PHKA1: variants seen among roughly 807,000 people sequenced by gnomAD.
PHKA1 encodes the protein phosphorylase kinase regulatory subunit alpha 1, also known as phosphorylase b kinase regulatory subunit alpha, skeletal muscle isoform.
A neutral mutation model predicts 110.2 loss-of-function variants in PHKA1; 60 were observed. The observed-to-expected ratio is 0.54, with a 90% CI of 0.44 to 0.68. The LOEUF is 0.68. Ranked by LOEUF, PHKA1 falls within the 30% of genes least tolerant of loss-of-function variation. The probability of loss-of-function intolerance (pLI) is 0.00; values close to 1 mark genes in which losing one functional copy is unlikely to be tolerated. For missense variants in PHKA1, 801 were observed against 942.5 expected, an observed-to-expected ratio of 0.85 and a Z score of 1.97; for synonymous variants, 316 against 333.6, an observed-to-expected ratio of 0.95 and a Z score of 0.58.
intron 25 of PHKA1, among the ~76,000 whole-genome samples, chrX:72,604,937 C>T (rs782005185): frequency 8.9e-6 from 1 of 111,733 alleles, no homozygotes; most frequent in East Asian, 2.8e-4. Context: ...TACAGACGCT[C>T]CACTGCCTAA....
intron 6 of PHKA1, among the ~76,000 whole-genome samples, chrX:72,671,086 G>A (rs1233728093): frequency 1.5e-4 from 16 of 110,185 alleles, no homozygotes; most frequent in African/African-American, 5.3e-4. Flanking sequence ...TTCTGGCCAG[G>A]GCAATCAGGC....
At chrX:72,635,552 A>G (rs948591263) in intron 15 of PHKA1, among the ~76,000 whole-genome samples, 5 of 111,662 alleles carry the variant, frequency 4.5e-5, no homozygotes, top group Admixed American at 2.9e-4. Flanking sequence ...GTAACCCCCC[A>G]GTGAGGGCTT....
At chrX:72,581,947 T>C (rs1319061357) in intron 31 of PHKA1, among the ~76,000 whole-genome samples, 1 of 111,993 alleles carries the variant, frequency 8.9e-6, no homozygotes, top group Non-Finnish European at 1.9e-5. Context: ...AATGTAGGAG[T>C]AAAAGTTTCA....
At chrX:72,681,669 A>G (rs1418261845) in intron 5 of PHKA1, among the ~76,000 whole-genome samples, 55 of 44,075 alleles carry the variant, frequency 1.2e-3, no homozygotes, top group East Asian at 3.5e-3. Flanking sequence ...CGGGAGGGAG[A>G]TGGGGGGGTC....
At chrX:72,613,070 C>A in intron 21 of PHKA1, among the ~76,000 whole-genome samples, 1 of 111,160 alleles carries the variant, frequency 9.0e-6, no homozygotes, top group East Asian at 2.8e-4. Flanking sequence ...AAATTGTTGA[C>A]CAAAACTAAA....
chrX:72,585,072 G>A (rs181602929), intron 29 of PHKA1, among the ~76,000 whole-genome samples: 11 of 110,037 alleles, frequency 1.0e-4, no homozygotes, highest in Admixed American at 3.9e-4. Context: ...ATAAGCAGAT[G>A]CATATATTCT....
At chrX:72,659,586 C>T (rs1190705557) in intron 8 of PHKA1, among the ~76,000 whole-genome samples, 1 of 111,910 alleles carries the variant, frequency 8.9e-6, no homozygotes, top group African/African-American at 3.3e-5. Context: ...AATCCAACAT[C>T]ACAAGGTTCA....
At chrX:72,677,570 C>T (rs1556312389) in intron 5 of PHKA1, among the ~76,000 whole-genome samples, 1 of 111,663 alleles carries the variant, frequency 9.0e-6, no homozygotes, top group Admixed American at 9.5e-5. Context: ...GAAGAGCTGT[C>T]CTTTCTCTCC....
intron 10 of PHKA1, among the ~76,000 whole-genome samples, chrX:72,653,841 G>A (rs2053458116): frequency 9.0e-6 from 1 of 111,122 alleles, no homozygotes; most frequent in Non-Finnish European, 1.9e-5. Flanking sequence ...TGAGTCCAGG[G>A]TGTAGCCATG....
chrX:72,632,584 G>A (rs974682353), intron 16 of PHKA1, among the ~76,000 whole-genome samples: 8 of 110,928 alleles, frequency 7.2e-5, no homozygotes, highest in African/African-American at 9.8e-5. Flanking sequence ...CATCCACCTG[G>A]ATGCCATTTA....
intron 14 of PHKA1, among the ~76,000 whole-genome samples, chrX:72,642,359 T>C (rs1425583202): frequency 2.7e-5 from 3 of 111,666 alleles, no homozygotes; most frequent in Non-Finnish European, 5.6e-5. Context: ...ACCTATTAAC[T>C]TTTGAGTGAG....
chrX:72,685,420 G>GT (rs1425369715), intron 4 of PHKA1, among the ~76,000 whole-genome samples: 3 of 111,483 alleles, frequency 2.7e-5, no homozygotes, highest in Non-Finnish European at 5.7e-5. Context: ...ATTCAAGGTA[G>GT]TTTTATTTTA....
chrX:72,587,694 T>C lies in PHKA1; in HGVS notation c.3244-3392A>G, dbSNP rs781952249. Among the ~76,000 whole-genome samples, 5 of 111,292 alleles carry C rather than the reference T, an allele frequency of 4.5e-5. No individual in the cohort carries two copies. The South Asian group carries it at 1.5e-3, about 34-fold the overall frequency. ...TGCTGTATTCAGGAGACCCATCTCTTGTGCAGAGACACACATAGGCTCAAA... is the reference window on the plus strand; with the variant it reads ...TGCTGTATTCAGGAGACCCATCTCTCGTGCAGAGACACACATAGGCTCAAA... On this transcript the variant is annotated intron_variant, in intron 29 of 31. Coordinates refer to ENST00000373542, the MANE Select transcript of PHKA1 (RefSeq NM_002637.4).
At chrX:72,700,050 C>A (rs1428812442) in intron 3 of PHKA1, among the ~76,000 whole-genome samples, 1 of 111,765 alleles carries the variant, frequency 8.9e-6, no homozygotes, top group Non-Finnish European at 1.9e-5. Context: ...TCCACCAACT[C>A]CTTAATAAAG....
At chrX:72,618,422 C>T (rs782818739) in intron 21 of PHKA1, among the ~76,000 whole-genome samples, 115 of 111,887 alleles carry the variant, frequency 1.0e-3, no homozygotes, top group African/African-American at 3.5e-3. Context: ...TTAAAAATAA[C>T]CTAATGACAG....
intron 29 of PHKA1, among the ~76,000 whole-genome samples, chrX:72,589,606 G>C (rs985339854): frequency 1.1e-4 from 12 of 110,243 alleles, no homozygotes; most frequent in Non-Finnish European, 2.1e-4. Flanking sequence ...AGAAATAAAG[G>C]GTATTCAATT....
intron 29 of PHKA1, among the ~76,000 whole-genome samples, chrX:72,592,523 T>A (rs782513699): frequency 2.5e-4 from 28 of 112,567 alleles, no homozygotes; most frequent in Non-Finnish European, 5.1e-4. Flanking sequence ...TTTGGCCAAA[T>A]AGGCCTTCAA....
chrX:72,679,539 A>G (rs924903242), intron 5 of PHKA1, among the ~76,000 whole-genome samples: 1 of 111,066 alleles, frequency 9.0e-6, no homozygotes, highest in Non-Finnish European at 1.9e-5. Context: ...AGGACATTAA[A>G]GCATGTATTA....
At position 72,579,961 on chromosome X, in the gene PHKA1, A is replaced by G. The variant is rs1346082630; in HGVS notation, c.*1041T>C. On this transcript the variant is annotated 3_prime_UTR_variant, in exon 32 of 32. Coordinates refer to ENST00000373542, the MANE Select transcript of PHKA1 (RefSeq NM_002637.4). Reference sequence around the variant, plus strand: ...GTGAGACAGAGACCAGGAGCACATGAAAAGAATGCTAAGTAGAGCACCTAT... The same window carrying G: ...GTGAGACAGAGACCAGGAGCACATGGAAAGAATGCTAAGTAGAGCACCTAT... The G allele has an allele frequency of 8.9e-6, 1 of 111,912 alleles. No homozygotes were observed. The highest frequency in any genetic ancestry group is 3.2e-5 in the African/African-American group (1 of 30,799). The allele number at this position is 111,912 out of a possible 1,213,427, so 9.2% of individuals were successfully genotyped here. A position where few individuals can be genotyped will look rare whatever the true frequency, so the allele number is the denominator to read the frequency against.
Sources: gnomAD v4.1 joint callset for allele counts (sites outside exome capture counted in the v4.1 genomes callset) on GRCh38, gnomAD v4.1.1 for gene constraint, MANE v1.5 for transcripts, NCBI Gene and HGNC (gene_info 2026-07-23, HGNC 2026-07-21) for gene names.